CEP41: variants seen among roughly 807,000 people sequenced by gnomAD.
The protein encoded by CEP41 is centrosomal protein 41, also known as centrosomal protein of 41 kDa.
A neutral mutation model predicts 44.3 loss-of-function variants in CEP41; 32 were observed. The ratio of observed to expected loss-of-function variants is 0.72; its 90% CI spans 0.54 to 0.97. The LOEUF is 0.97. Among genes scored for constraint, CEP41 ranks in the 50% least tolerant of loss-of-function variants. The pLI is 0.00. For synonymous variants in CEP41, 151 were observed against 168.5 expected (o/e 0.90, Z 0.80); for missense variants, 432 against 455.2 (o/e 0.95, Z 0.46).
At chr7:130,421,934 A>G in intron 2 of CEP41, 1 of 1,535,542 alleles carries the variant, frequency 6.5e-7, no homozygotes, top group Non-Finnish European at 8.7e-7. Flanking sequence ...GCAGCCAGGG[A>G]TTTCATCAGA....
In CEP41 at chr7:130,398,405, G is replaced by T. The variant is rs1554415802; in HGVS notation, c.*486C>A. The T allele has an allele frequency of 4.2e-5, 19 of 454,030 alleles. No homozygotes were observed. Among genetic ancestry groups the T allele is most frequent in the South Asian group, 2.9e-4 (19 of 64,454 alleles). The allele number at this position is 454,030 out of a possible 1,614,324, so 28.1% of individuals were successfully genotyped here. On this transcript the variant is annotated 3_prime_UTR_variant, in exon 11 of 11. Coordinates refer to ENST00000223208, the MANE Select transcript of CEP41 (RefSeq NM_018718.3). The stretch of plus-strand genomic sequence containing the variant: ...GGTCTGCAGGCGGCTGGAACCTAAG[G>T]CTCATCTGCACCCTTGGAAACAGCT...
chr7:130,402,856 C>A, intron 6 of CEP41, 57 bp from the exon 7 acceptor site: 1 of 1,562,510 alleles, frequency 6.4e-7, no homozygotes, highest in South Asian at 1.1e-5. Flanking sequence ...GCTTAAAGGT[C>A]GAACGTGTCT....
In CEP41 at chr7:130,411,177, A is replaced by G; in HGVS notation, c.222T>C (p.Ala74=). 6.2e-7 allele frequency: 1 copy of G among 1,613,782 alleles called. No homozygotes were observed. The highest frequency in any genetic ancestry group is 8.5e-7 in the Non-Finnish European group (1 of 1,179,646). Residue 74 remains alanine (A), a synonymous_variant, in exon 5 of 11, where the codon GCT becomes GCC. Transcript: ENST00000223208. ...CTTCCAGTGTTTGATCAGAGAGGGA[A>G]GCAACTTGGATGATCTGATAGAAAA... ...TTFAQLIIQV[A]SLSDQTLEVT...
intron 2 of CEP41, chr7:130,421,156 A>G (rs1332617497): frequency 2.0e-6 from 2 of 985,290 alleles, no homozygotes; most frequent in African/African-American, 1.7e-5. Flanking sequence ...ACAGAGTGCA[A>G]CTGATTCAGT....
At chr7:130,412,402 G>GT (rs1479717703) in intron 3 of CEP41, among the ~76,000 whole-genome samples, 162 bp from the exon 4 acceptor site, 1 of 152,182 alleles carries the variant, frequency 6.6e-6, no homozygotes, top group Non-Finnish European at 1.5e-5. Flanking sequence ...GCAGGTAGTA[G>GT]TATCATCTGT....
At chr7:130,440,789 CCG>C in intron 1 of CEP41, 143 bp downstream of exon 1, 1 of 625,838 alleles carries the variant, frequency 1.6e-6, no homozygotes. Flanking sequence ...CCGGCCCGCC[CCG>C]CCCCTGCATC....
At position 130,397,767 on chromosome 7, in the gene CEP41, T is replaced by C. The variant is rs893866101; in HGVS notation, c.*1124A>G. The stretch of plus-strand genomic sequence containing the variant: ...GAGGCCTTTTGTTCCCCCAATTAAA[T>C]GGAATGAATGTCAGTCATTTAGCAA... On this transcript the variant is annotated 3_prime_UTR_variant, in exon 11 of 11. Transcript: ENST00000223208. 4.5e-6 allele frequency: 2 copies of C among 447,674 alleles called. No homozygotes were observed. Among genetic ancestry groups the C allele is most frequent in the South Asian group, 3.1e-5 (2 of 63,650 alleles). The allele number at this position is 447,674 out of a possible 1,614,324, so 27.7% of individuals were successfully genotyped here. A position where few individuals can be genotyped will look rare whatever the true frequency, so the allele number is the denominator to read the frequency against.
chr7:130,403,930 G>C (rs935732689), intron 6 of CEP41, among the ~76,000 whole-genome samples: 4 of 152,170 alleles, frequency 2.6e-5, no homozygotes, highest in African/African-American at 9.7e-5. Context: ...AATTTCTCCA[G>C]AACTATTTTA....
At chr7:130,410,091 T>G (rs1797133965) in intron 5 of CEP41, among the ~76,000 whole-genome samples, 1 of 147,498 alleles carries the variant, frequency 6.8e-6, no homozygotes, top group Non-Finnish European at 1.5e-5. Context: ...AATGGCGTAG[T>G]CTCAGCTCAC....
chr7:130,427,241 C>G (rs35062175), intron 2 of CEP41, among the ~76,000 whole-genome samples: 2 of 151,992 alleles, frequency 1.3e-5, no homozygotes, highest in Non-Finnish European at 2.9e-5. Context: ...ATTTTAATCA[C>G]GTGAATTTTC....
rs575404266 is a variant in CEP41 at position 130,407,559 on chromosome 7, A to G, written c.278-2851T>C. Among the ~76,000 whole-genome samples, 127 of 152,278 alleles carry G rather than the reference A, an allele frequency of 8.3e-4. 1 individual carries two copies. The South Asian group carries it at 0.026, about 31-fold the overall frequency. On this transcript the variant is annotated intron_variant, in intron 5 of 10. Transcript: ENST00000223208. ...AAAACATGGAAAAGAATATAAATAA[A>G]AAGTCAATACATCCATATCACAAAT...
rs945397587 is a variant in CEP41 at position 130,397,790 on chromosome 7, C to T, written c.*1101G>A. The T allele has an allele frequency of 1.1e-4, 47 of 445,656 alleles. No homozygotes were observed. Among genetic ancestry groups the T allele is most frequent in the African/African-American group, 9.0e-4 (45 of 49,808 alleles). The allele number at this position is 445,656 out of a possible 1,614,324, so 27.6% of individuals were successfully genotyped here. A position where few individuals can be genotyped will look rare whatever the true frequency, so the allele number is the denominator to read the frequency against. On this transcript the variant is annotated 3_prime_UTR_variant, in exon 11 of 11. Transcript: ENST00000223208. ...AATGGAATGAATGTCAGTCATTTAG[C>T]AATTCAATTAATGCTGATTCAAAAT...
chr7:130,418,162 C>T (rs1268626801), intron 2 of CEP41, among the ~76,000 whole-genome samples: 10 of 152,056 alleles, frequency 6.6e-5, no homozygotes, highest in Non-Finnish European at 1.5e-4. Flanking sequence ...AAGGAGGATT[C>T]AGAGCAGGCC....
rs67847969 is a variant in CEP41 at position 130,428,428 on chromosome 7, C to CAAAA, written c.34-414_34-411dup. Among the ~76,000 whole-genome samples the CAAAA allele has an allele frequency of 2.3e-3, 88 of 37,978 alleles. 1 individual carries two copies. Among genetic ancestry groups the CAAAA allele is most frequent in the Non-Finnish European group, 2.7e-3 (60 of 21,994 alleles). 24.9% of individuals were successfully genotyped at this position (37,978 alleles called of 152,430 possible). A position where few individuals can be genotyped will look rare whatever the true frequency, so the allele number is the denominator to read the frequency against. ...TGGGTGACAGAGAGAGACTCTGACT[C>CAAAA]AAAAAAAAAAAAAAAAAAAAAAAAA... is the stretch of plus-strand genomic sequence containing the variant. On this transcript the variant is annotated intron_variant, in intron 1 of 10. Coordinates refer to ENST00000223208, the MANE Select transcript of CEP41 (RefSeq NM_018718.3).
At chr7:130,441,714 AT>A (rs2117743974), upstream of CEP41, among the ~76,000 whole-genome samples, 1 of 152,344 alleles carries the variant, frequency 6.6e-6, no homozygotes, top group East Asian at 1.9e-4. Context: ...CTAGGACCCA[AT>A]CCCGTCGTCA....
intron 5 of CEP41, chr7:130,410,832 G>A: frequency 2.2e-6 from 1 of 461,452 alleles, no homozygotes; most frequent in Non-Finnish European, 4.0e-6. Context: ...AGTACTTAAT[G>A]TGTAGGTACA....
In CEP41 at chr7:130,395,365, A is replaced by G. The variant is rs1026177362; in HGVS notation, c.*3526T>C. On this transcript the variant is annotated 3_prime_UTR_variant, in exon 11 of 11. Coordinates refer to ENST00000223208, the MANE Select transcript of CEP41 (RefSeq NM_018718.3). ...CACACATTTGCGGTGTTTCCTGGGG[A>G]AAAAAAAGTATCGTGGGAGTTAAAT... The G allele has an allele frequency of 3.3e-5, 12 of 361,406 alleles. No homozygotes were observed. The East Asian group carries it at 4.9e-4, about 15-fold the overall frequency. 22.4% of individuals were successfully genotyped at this position (361,406 alleles called of 1,614,324 possible). A position where few individuals can be genotyped will look rare whatever the true frequency, so the allele number is the denominator to read the frequency against.
chr7:130,432,390 G>A (rs142032978), intron 1 of CEP41, among the ~76,000 whole-genome samples: 6 of 152,074 alleles, frequency 3.9e-5, no homozygotes, highest in Non-Finnish European at 7.4e-5. Flanking sequence ...AGTTGAGGAA[G>A]CACATATTAA....
chr7:130,440,918 G>A lies in CEP41; in HGVS notation c.33+16C>T. On this transcript the variant is annotated intron_variant, in intron 1 of 10. Transcript: ENST00000223208. The stretch of plus-strand genomic sequence containing the variant: ...GCCCGCCCCCTCCGGCTCTCCGGCC[G>A]AGACCTGGCCCTCACCTCAGGGTTC... The A allele has an allele frequency of 6.2e-7, 1 of 1,611,214 alleles. No individual in the cohort carries two copies. The highest frequency in any genetic ancestry group is 8.5e-7 in the Non-Finnish European group (1 of 1,179,950).
Sources: allele counts gnomAD v4.1 joint callset (sites outside exome capture counted in the v4.1 genomes callset), GRCh38; gene constraint gnomAD v4.1.1; transcripts MANE v1.5; gene names NCBI Gene and HGNC (gene_info 2026-07-23, HGNC 2026-07-21).